Variants in PRKN observed in about 807,000 individuals in gnomAD.
The protein encoded by PRKN is parkin RBR E3 ubiquitin protein ligase, also known as E3 ubiquitin-protein ligase parkin.
A neutral mutation model predicts 59.5 loss-of-function variants in PRKN; 56 were observed. That is an observed-to-expected ratio of 0.94 (90% confidence interval 0.76 to 1.18). The LOEUF (loss-of-function observed/expected upper bound fraction) is 1.18. Among genes scored for constraint, PRKN ranks in the 50% most tolerant of loss-of-function variants. PRKN has a pLI of 0.00. For missense variants in PRKN, 657 were observed against 596.4 expected, an observed-to-expected ratio of 1.10 and a Z score of -1.06; for synonymous variants, 250 against 222.1, an observed-to-expected ratio of 1.13 and a Z score of -1.12.
At chr6:162,150,037 C>T (rs1782199990) in intron 4 of PRKN, among the ~76,000 whole-genome samples, 1 of 152,212 alleles carries the variant, frequency 6.6e-6, no homozygotes, top group African/African-American at 2.4e-5. Context: ...GATCTCACTT[C>T]TTCACATGCA....
chr6:162,531,584 A>G (rs2846471), intron 1 of PRKN, among the ~76,000 whole-genome samples: 53,289 of 151,800 alleles, frequency 0.35, 11,172 homozygotes, highest in Middle Eastern at 0.51. Context: ...AAGATCAGAT[A>G]AGCCAGTTAA....
In PRKN at chr6:161,429,459, A is replaced by C. The variant is rs1323644965; in HGVS notation, c.1084-42582T>G. ...TTAAGAGGGACGGAGAAATAACACG[A>C]ATGTGGTGAGGCAGGGTGGTATCCC... On this transcript the variant is annotated intron_variant, in intron 9 of 11. Transcript: ENST00000366898. This position sits in a 1 kb window ranked among gnomAD's most constrained non-coding sequence, Gnocchi z 4.2. Among the ~76,000 whole-genome samples the C allele has an allele frequency of 2.0e-5, 3 of 152,146 alleles. No homozygotes were observed. Among genetic ancestry groups the C allele is most frequent in the Non-Finnish European group, 4.4e-5 (3 of 68,026 alleles).
chr6:162,445,687 T>TC (rs1473892334), intron 1 of PRKN, among the ~76,000 whole-genome samples: 1 of 67,842 alleles, frequency 1.5e-5, no homozygotes, highest in Non-Finnish European at 2.5e-5. Flanking sequence ...AGAGACCTTG[T>TC]CTAAAAAAAA....
At chr6:161,587,623 T>A (rs1463407639) in intron 7 of PRKN, among the ~76,000 whole-genome samples, 1 of 152,142 alleles carries the variant, frequency 6.6e-6, no homozygotes, top group African/African-American at 2.4e-5. Context: ...AAGATGAGTT[T>A]CATTCCTGCT....
intron 1 of PRKN, among the ~76,000 whole-genome samples, chr6:162,623,558 AGGAG>A (rs560090511): frequency 2.0e-5 from 3 of 152,178 alleles, no homozygotes; most frequent in Non-Finnish European, 4.4e-5. Context: ...CATTTTCCCA[AGGAG>A]AGTTCACCAA....
rs1217450514 is a variant in PRKN at position 161,352,181 on chromosome 6, C to T, written c.1286-1970G>A. On this transcript the variant is annotated intron_variant, in intron 11 of 11. Transcript: ENST00000366898. This position sits in a 1 kb window ranked among gnomAD's most constrained non-coding sequence, Gnocchi z 5.8. Reference sequence around the variant, plus strand: ...TTATCTTGTTAATTGATTTTTCCTGCCAAATTTTCCAAGTAATTGGTTCGG... The same window carrying T: ...TTATCTTGTTAATTGATTTTTCCTGTCAAATTTTCCAAGTAATTGGTTCGG... 2.6e-5 allele frequency among the ~76,000 whole-genome samples: 4 copies of T among 152,152 alleles called. No individual in the cohort carries two copies. Among genetic ancestry groups the T allele is most frequent in the Non-Finnish European group, 5.9e-5 (4 of 68,014 alleles).
At chr6:161,474,767 T>C (rs987675984) in intron 9 of PRKN, among the ~76,000 whole-genome samples, 19 of 146,440 alleles carry the variant, frequency 1.3e-4, no homozygotes, top group African/African-American at 4.8e-4. Context: ...GCTAACTTTT[T>C]TTTGGTTTTA....
At chr6:162,084,299 A>T (rs1248699934) in intron 4 of PRKN, among the ~76,000 whole-genome samples, 9 of 152,156 alleles carry the variant, frequency 5.9e-5, no homozygotes, top group Non-Finnish European at 2.9e-5. Context: ...ATTTGACTTA[A>T]CATTTGCGAC....
chr6:162,157,235 C>T (rs1562547705), intron 4 of PRKN, among the ~76,000 whole-genome samples: 1 of 151,998 alleles, frequency 6.6e-6, no homozygotes, highest in Non-Finnish European at 1.5e-5. Flanking sequence ...TGTGCTCCAG[C>T]TCCAAGAACC....
At chr6:161,539,011 T>C (rs1035733709) in intron 9 of PRKN, among the ~76,000 whole-genome samples, 3 of 152,186 alleles carry the variant, frequency 2.0e-5, no homozygotes, top group Non-Finnish European at 4.4e-5. Flanking sequence ...CATCATGCCA[T>C]GAGGCTAACA....
chr6:161,757,833 A>ATCTC (rs748787015), intron 7 of PRKN, among the ~76,000 whole-genome samples: 701 of 37,622 alleles, frequency 0.019, 18 homozygotes, highest in African/African-American at 0.05. Flanking sequence ...GCAAAACTCC[A>ATCTC]TCTCTCTCTC....
intron 6 of PRKN, among the ~76,000 whole-genome samples, chr6:161,891,169 C>T (rs569543802): frequency 1.6e-4 from 24 of 152,198 alleles, no homozygotes; most frequent in South Asian, 1.2e-3. Flanking sequence ...TTTAAAAGCA[C>T]GGGGAGAGGG....
intron 6 of PRKN, among the ~76,000 whole-genome samples, chr6:161,949,428 T>C (rs1026587708): frequency 3.9e-5 from 6 of 152,106 alleles, no homozygotes; most frequent in African/African-American, 1.4e-4. Flanking sequence ...GGAGAATCCC[T>C]TGAACCCAGG....
chr6:162,538,986 G>T (rs770505117), intron 1 of PRKN, among the ~76,000 whole-genome samples: 1 of 152,166 alleles, frequency 6.6e-6, no homozygotes, highest in Non-Finnish European at 1.5e-5. Context: ...TTACCGTGGG[G>T]GCCCACAATG....
rs1193342956 is a variant in PRKN at position 161,533,972 on chromosome 6, T to G, written c.1083+14882A>C. Among the ~76,000 whole-genome samples, 1 of 152,100 alleles carries G rather than the reference T, an allele frequency of 6.6e-6. No individual in the cohort carries two copies. Among genetic ancestry groups the G allele is most frequent in the Admixed American group, 6.6e-5 (1 of 15,256 alleles). On this transcript the variant is annotated intron_variant, in intron 9 of 11. Coordinates refer to ENST00000366898, the MANE Select transcript of PRKN (RefSeq NM_004562.3). This position sits in a 1 kb window ranked among gnomAD's most constrained non-coding sequence, Gnocchi z 4.1. ...CGCCGTCACAGTGGTCTCTGTGACT[T>G]CAGTGAACCCCCTTTCCACCTGTCC...
chr6:162,035,733 CA>C, intron 5 of PRKN, among the ~76,000 whole-genome samples: 1 of 152,164 alleles, frequency 6.6e-6, no homozygotes, highest in East Asian at 1.9e-4. Flanking sequence ...TGGAATAGAA[CA>C]GACTCGAGAG....
chr6:161,633,671 T>A (rs189687967), intron 7 of PRKN, among the ~76,000 whole-genome samples: 3 of 152,326 alleles, frequency 2.0e-5, no homozygotes, highest in East Asian at 1.9e-4. Context: ...CTGTTGCCCA[T>A]GAATCTTCTA....
chr6:161,716,480 C>A (rs6921599), intron 7 of PRKN, among the ~76,000 whole-genome samples: 26,879 of 152,050 alleles, frequency 0.18, 4,280 homozygotes, highest in African/African-American at 0.42. Flanking sequence ...ATGCTCTTAC[C>A]GTCTCAGCCC....
At chr6:162,023,376 G>C (rs1783287164) in intron 5 of PRKN, among the ~76,000 whole-genome samples, 2 of 152,120 alleles carry the variant, frequency 1.3e-5, no homozygotes, top group African/African-American at 4.8e-5. Context: ...TTGGCGAATG[G>C]GTGCAAAGTT....
Sources: gnomAD v4.1 joint callset for allele counts (sites outside exome capture counted in the v4.1 genomes callset) on GRCh38, gnomAD v4.1.1 for gene constraint, Gnocchi (gnomAD v3.1) non-coding constraint, MANE v1.5 for transcripts, NCBI Gene and HGNC (gene_info 2026-07-23, HGNC 2026-07-21) for gene names.